The following SH3GL2 variants were observed in gnomAD, a reference collection of about 807,000 sequenced individuals.
The protein encoded by SH3GL2 is SH3 domain containing GRB2 like 2, endophilin A1.
Under a neutral mutation model 46.0 loss-of-function variants are expected in SH3GL2, and 24 were observed. The ratio of observed to expected loss-of-function variants is 0.52; its 90% confidence interval spans 0.38 to 0.73. The LOEUF (loss-of-function observed/expected upper bound fraction) is 0.73, where lower values mean the gene tolerates loss of function less well. SH3GL2 is among the 30% of genes least tolerant of loss of function. The pLI is 0.00. For synonymous variants in SH3GL2, 196 were observed against 147.1 expected, an observed-to-expected ratio of 1.33 and a Z score of -2.40; for missense variants, 413 against 424.2, an observed-to-expected ratio of 0.97 and a Z score of 0.23.
chr9:17,672,999 A>G (rs533409151), intron 1 of SH3GL2, among the ~76,000 whole-genome samples: 1 of 152,194 alleles, frequency 6.6e-6, no homozygotes, highest in East Asian at 1.9e-4. Context: ...CTTGGGTAGT[A>G]TTTGGCAGTA....
At chr9:17,714,491 T>A (rs1821703908) in intron 1 of SH3GL2, among the ~76,000 whole-genome samples, 1 of 151,746 alleles carries the variant, frequency 6.6e-6, no homozygotes, top group South Asian at 2.1e-4. Context: ...TGATTCTGAT[T>A]TATCTTCCTT....
chr9:17,720,734 A>C (rs1044054316), intron 1 of SH3GL2, among the ~76,000 whole-genome samples: 2 of 152,116 alleles, frequency 1.3e-5, no homozygotes, highest in Non-Finnish European at 2.9e-5. Flanking sequence ...AAAATGAAGG[A>C]CTTACCACTC....
At chr9:17,765,864 A>C (rs1001982195) in intron 3 of SH3GL2, among the ~76,000 whole-genome samples, 1 of 152,192 alleles carries the variant, frequency 6.6e-6, no homozygotes, top group African/African-American at 2.4e-5. Context: ...GCTCAGTTCC[A>C]GGCAGCCAAC....
chr9:17,597,222 C>T (rs1472404165), intron 1 of SH3GL2, among the ~76,000 whole-genome samples: 1 of 152,116 alleles, frequency 6.6e-6, no homozygotes, highest in African/African-American at 2.4e-5. Context: ...TTTCAGATTT[C>T]AGCATTTAAA....
chr9:17,688,508 A>G (rs780713803), intron 1 of SH3GL2, among the ~76,000 whole-genome samples: 14 of 152,070 alleles, frequency 9.2e-5, no homozygotes, highest in Non-Finnish European at 1.5e-4. Context: ...GAGCACACCT[A>G]GTGCTCAGCT....
intron 1 of SH3GL2, among the ~76,000 whole-genome samples, chr9:17,643,564 T>C (rs755742483): frequency 5.3e-5 from 8 of 151,864 alleles, no homozygotes; most frequent in South Asian, 4.1e-4. Flanking sequence ...ACCGACCTTA[T>C]GGAGTGTTTT....
intron 1 of SH3GL2, among the ~76,000 whole-genome samples, chr9:17,627,274 A>G (rs1019280518): frequency 1.3e-5 from 2 of 152,146 alleles, no homozygotes; most frequent in African/African-American, 4.8e-5. Context: ...CAAAGCTTAG[A>G]TAGTGCCCAG....
chr9:17,600,394 A>C (rs954486802), intron 1 of SH3GL2, among the ~76,000 whole-genome samples: 2 of 152,242 alleles, frequency 1.3e-5, no homozygotes, highest in South Asian at 4.1e-4. Flanking sequence ...GAGAATTTCA[A>C]ATAACCCACC....
chr9:17,738,679 T>G (rs1391251576), intron 1 of SH3GL2, among the ~76,000 whole-genome samples: 2 of 113,212 alleles, frequency 1.8e-5, no homozygotes, highest in African/African-American at 6.3e-5. Flanking sequence ...GAGAGATAAT[T>G]TTATTTCAAG....
chr9:17,609,863 C>T (rs1278782145), intron 1 of SH3GL2, among the ~76,000 whole-genome samples: 1 of 152,102 alleles, frequency 6.6e-6, no homozygotes, highest in East Asian at 1.9e-4. Flanking sequence ...TCTTGGAAGC[C>T]ACAGCAAGAC....
At chr9:17,743,575 C>CACACACACACACAG (rs1822593490) in intron 1 of SH3GL2, among the ~76,000 whole-genome samples, 1 of 150,608 alleles carries the variant, frequency 6.6e-6, no homozygotes. Flanking sequence ...TGTGAACACA[C>CACACACACACACAG]ACACACACAC....
intron 1 of SH3GL2, among the ~76,000 whole-genome samples, chr9:17,594,628 C>T (rs189086606): frequency 1.2e-4 from 19 of 152,076 alleles, no homozygotes; most frequent in Non-Finnish European, 4.4e-5. Flanking sequence ...CACATGTATC[C>T]TGGAACTTAA....
chr9:17,789,657 A>T (rs888155303), intron 6 of SH3GL2, 107 bp downstream of exon 6: 14 of 1,518,142 alleles, frequency 9.2e-6, no homozygotes, highest in Non-Finnish European at 1.2e-5. Context: ...ACACTATGTG[A>T]TAAGAACTTC....
chr9:17,695,259 C>T (rs758200271), intron 1 of SH3GL2, among the ~76,000 whole-genome samples: 12 of 152,016 alleles, frequency 7.9e-5, no homozygotes, highest in African/African-American at 1.4e-4. Flanking sequence ...AAGTGAAATG[C>T]GATCCCTTTA....
At chr9:17,766,568 A>G (rs565454519) in intron 3 of SH3GL2, among the ~76,000 whole-genome samples, 2 of 152,350 alleles carry the variant, frequency 1.3e-5, no homozygotes, top group Admixed American at 1.3e-4. Context: ...TCTAGAAACC[A>G]CATTATACAA....
intron 1 of SH3GL2, among the ~76,000 whole-genome samples, chr9:17,678,264 G>A (rs1380902976): frequency 3.9e-5 from 6 of 152,080 alleles, no homozygotes; most frequent in East Asian, 3.9e-4. Flanking sequence ...GTGTAAAAGC[G>A]TTCCTATTTC....
At chr9:17,698,065 T>C (rs1055748218) in intron 1 of SH3GL2, among the ~76,000 whole-genome samples, 2 of 152,212 alleles carry the variant, frequency 1.3e-5, no homozygotes, top group Non-Finnish European at 2.9e-5. Context: ...ACCTTACATA[T>C]AATTGCCTGG....
At position 17,790,217 on chromosome 9, in the gene SH3GL2, G is replaced by T. The variant is rs373230708; in HGVS notation, c.624+667G>T. The T allele has an allele frequency of 8.9e-4, 136 of 153,534 alleles. 1 individual carries two copies. The South Asian group carries it at 0.027, about 30-fold the overall frequency. 9.5% of individuals were successfully genotyped at this position (153,534 alleles called of 1,614,324 possible). ...TTCTATCTGGGTCCTGAGCTGAGTGGGTGGTCTCCACCCCCATAGGGAAGG... is the reference window on the plus strand; with the variant it reads ...TTCTATCTGGGTCCTGAGCTGAGTGTGTGGTCTCCACCCCCATAGGGAAGG... On this transcript the variant is annotated intron_variant, in intron 6 of 8. Coordinates refer to ENST00000380607, the MANE Select transcript of SH3GL2 (RefSeq NM_003026.5).
At chr9:17,789,070 G>A (rs1446397849) in intron 5 of SH3GL2, among the ~76,000 whole-genome samples, 1 of 152,200 alleles carries the variant, frequency 6.6e-6, no homozygotes, top group Non-Finnish European at 1.5e-5. Context: ...TAGGGCATGT[G>A]CATTCCTTCT....
Sources: allele counts gnomAD v4.1 joint callset (sites outside exome capture counted in the v4.1 genomes callset), GRCh38; gene constraint gnomAD v4.1.1; transcripts MANE v1.5; gene names NCBI Gene and HGNC (gene_info 2026-07-23, HGNC 2026-07-21).